The following PCDHGA2 variants were observed in gnomAD, a reference collection of about 807,000 sequenced individuals.
PCDHGA2 encodes protocadherin gamma subfamily A, 2.
PCDHGA2 carries 40 observed loss-of-function variants against 59.2 expected under a neutral mutation model. The ratio of observed to expected loss-of-function variants is 0.68; its 90% CI spans 0.52 to 0.88. The LOEUF (loss-of-function observed/expected upper bound fraction) is 0.88. PCDHGA2 is among the 40% of genes least tolerant of loss of function. The pLI, the probability that PCDHGA2 is intolerant of heterozygous loss-of-function variation, is 0.00. For synonymous variants in PCDHGA2, 560 were observed against 526.0 expected (o/e 1.06, Z -0.89); for missense variants, 1,226 against 1,204.0 (o/e 1.02, Z -0.27).
chr5:141,481,913 CAA>C (rs34114744), intron 1 of PCDHGA2, among the ~76,000 whole-genome samples: 12,059 of 90,730 alleles, frequency 0.13, 576 homozygotes, highest in African/African-American at 0.21. Flanking sequence ...AACTCCATCT[CAA>C]AAAAAAAAAA....
chr5:141,377,556 A>T (rs1171611330), intron 1 of PCDHGA2: 1 of 151,728 alleles, frequency 6.6e-6, no homozygotes, highest in African/African-American at 2.4e-5. Context: ...TAATTGTGTC[A>T]CTGCACCCTA....
chr5:141,365,004 C>A (rs746525916), intron 1 of PCDHGA2: 1 of 1,613,818 alleles, frequency 6.2e-7, no homozygotes, highest in African/African-American at 1.3e-5. Flanking sequence ...CTCTCCGGCA[C>A]CACGCACATC....
rs201279747 is a variant in PCDHGA2, at chr5:141,414,931, G to A, written c.2424+73536G>A. On this transcript the variant is annotated intron_variant, in intron 1 of 3. Coordinates refer to ENST00000394576, the MANE Select transcript of PCDHGA2 (RefSeq NM_018915.4). ...AGGCGTGGAGCTGGCGCCCCGCTCC[G>A]CAGAGCCCGGCTACCTGGTGACCAA... 123 of 1,614,120 alleles carry A rather than the reference G, an allele frequency of 7.6e-5. No homozygotes were observed. In the East Asian group the frequency reaches 2.5e-3, roughly 33 times the overall value.
chr5:141,449,389 T>C (rs577860793), intron 1 of PCDHGA2, among the ~76,000 whole-genome samples: 5 of 151,964 alleles, frequency 3.3e-5, no homozygotes, highest in African/African-American at 1.2e-4. Flanking sequence ...GGTGGATTAC[T>C]TGAGGCCAGG....
chr5:141,477,059 A>G lies in PCDHGA2; in HGVS notation c.2425-17748A>G. On this transcript the variant is annotated intron_variant, in intron 1 of 3. Coordinates refer to ENST00000394576, the MANE Select transcript of PCDHGA2 (RefSeq NM_018915.4). This position sits in a 1 kb window ranked among gnomAD's most constrained non-coding sequence, Gnocchi z 4.9. ...CAAGGGTCGGCTGGACTTCGAGGAC[A>G]CCAAACTCCATGAGATTTACATCCA... The G allele has an allele frequency of 1.2e-6, 2 of 1,614,238 alleles. No individual in the cohort carries two copies. Among genetic ancestry groups the G allele is most frequent in the Non-Finnish European group, 1.7e-6 (2 of 1,180,036 alleles).
Position 141,486,486 on chromosome 5 carries a change from A to G in PCDHGA2, c.2425-8321A>G. The G allele has an allele frequency of 6.2e-7, 1 of 1,614,056 alleles. No individual in the cohort carries two copies. Among genetic ancestry groups the G allele is most frequent in the South Asian group, 1.1e-5 (1 of 91,084 alleles). ...GCTGGGAACCCTCCTCTCAGTACCC[A>G]CAGAACTATTTTCCTCAATATTTCA... On this transcript the variant is annotated intron_variant, in intron 1 of 3. Coordinates refer to ENST00000394576, the MANE Select transcript of PCDHGA2 (RefSeq NM_018915.4). The surrounding 1 kb of genome is among the most constrained non-coding windows in gnomAD (Gnocchi z 5.0).
At chr5:141,343,163 T>C (rs1270120488) in intron 1 of PCDHGA2, 6 of 335,288 alleles carry the variant, frequency 1.8e-5, no homozygotes, top group Non-Finnish European at 2.5e-5. Flanking sequence ...TGTGTCTATA[T>C]TGTTCACCTT....
chr5:141,486,169 A>T lies in PCDHGA2; in HGVS notation c.2425-8638A>T. On this transcript the variant is annotated intron_variant, in intron 1 of 3. Transcript: ENST00000394576. The surrounding 1 kb of genome is among the most constrained non-coding windows in gnomAD (Gnocchi z 5.0). ...ATGGGGGTTCTCCAGCCATGGAGCA[A>T]CATTGCAGCCTTCGAGTGGATCTGC... 1 of 1,614,206 alleles carries T rather than the reference A, an allele frequency of 6.2e-7. No homozygotes were observed. Among genetic ancestry groups the T allele is most frequent in the Non-Finnish European group, 8.5e-7 (1 of 1,180,032 alleles).
At chr5:141,394,459 G>T (rs761612403) in intron 1 of PCDHGA2, 1 of 1,614,238 alleles carries the variant, frequency 6.2e-7, no homozygotes, top group Non-Finnish European at 8.5e-7. Context: ...ATGTCACTGA[G>T]CCTGTTCGTG....
At chr5:141,470,552 T>G (rs1303190360) in intron 1 of PCDHGA2, among the ~76,000 whole-genome samples, 1 of 151,966 alleles carries the variant, frequency 6.6e-6, no homozygotes, top group East Asian at 1.9e-4. Flanking sequence ...TTATTGAGAG[T>G]TTCCTCTGTG....
intron 3 of PCDHGA2, among the ~76,000 whole-genome samples, chr5:141,509,362 G>C (rs2099876497): frequency 6.6e-6 from 1 of 152,152 alleles, no homozygotes; most frequent in Non-Finnish European, 1.5e-5. Flanking sequence ...GCATCCCTGA[G>C]GTTTTAACTG....
chr5:141,388,747 C>T (rs1434278785), intron 1 of PCDHGA2: 2 of 1,613,862 alleles, frequency 1.2e-6, no homozygotes, highest in African/African-American at 1.3e-5. Context: ...AGCCAGATCA[C>T]CCAATTTGAC....
chr5:141,419,414 GCCTTCGACCACGAGCAGCTGCGCA>G, intron 1 of PCDHGA2: 1 of 1,613,428 alleles, frequency 6.2e-7, no homozygotes, highest in South Asian at 1.1e-5. Context: ...CGCGCAGCGC[GCCTTCGACCACGAGCAGCTGCGCA>G]CCTTCGAGCT....
At chr5:141,433,068 T>G (rs1296504554) in intron 1 of PCDHGA2, 1 of 1,613,900 alleles carries the variant, frequency 6.2e-7, no homozygotes, top group South Asian at 1.1e-5. Context: ...CACCTGATCT[T>G]CCCCCAGCCC....
intron 1 of PCDHGA2, chr5:141,419,135 G>A (rs2096331504): frequency 3.1e-6 from 5 of 1,613,910 alleles, no homozygotes; most frequent in Non-Finnish European, 4.2e-6. Flanking sequence ...CGCAGCCACA[G>A]ACAGGGGCAA....
chr5:141,365,028 T>G, intron 1 of PCDHGA2: 1 of 1,613,890 alleles, frequency 6.2e-7, no homozygotes, highest in Non-Finnish European at 8.5e-7. Flanking sequence ...GTTACGGTCC[T>G]CGACGCAAAC....
intron 2 of PCDHGA2, among the ~76,000 whole-genome samples, chr5:141,502,783 G>A (rs2099816035): frequency 6.6e-6 from 1 of 151,652 alleles, no homozygotes; most frequent in African/African-American, 2.4e-5. Context: ...AAAATTACCT[G>A]GATGATTTCT....
chr5:141,355,168 C>G (rs767745541), intron 1 of PCDHGA2: 2 of 1,568,276 alleles, frequency 1.3e-6, no homozygotes, highest in Admixed American at 1.8e-5. Flanking sequence ...AGAGGGAAAA[C>G]CGAAGCACAG....
Position 141,339,099 on chromosome 5 carries a change from C to T in PCDHGA2, c.128C>T (p.Ser43Phe), listed in dbSNP as rs754992880. Reference sequence around the variant, plus strand: ...GTGCGGGAAGAGATCGACAGAGGCTCCTTCGTAGGCAACATCGCCAAGGAC... The same window carrying T: ...GTGCGGGAAGAGATCGACAGAGGCTTCTTCGTAGGCAACATCGCCAAGGAC... Reference protein sequence around the residue: ...YSVREEIDRGSFVGNIAKDLG... With the variant: ...YSVREEIDRGFFVGNIAKDLG... The change falls in exon 1 of 4, where the codon TCC becomes TTC. Residue 43 changes from serine (S) to phenylalanine (F), a missense_variant. Physicochemically the swap from Ser to Phe is radical, Grantham distance 155. Transcript: ENST00000394576. 9 of 1,614,234 alleles carry T rather than the reference C, an allele frequency of 5.6e-6. No homozygotes were observed. Among genetic ancestry groups the T allele is most frequent in the Admixed American group, 5.0e-5 (3 of 60,036 alleles).
Sources: allele counts gnomAD v4.1 joint callset (sites outside exome capture counted in the v4.1 genomes callset), GRCh38; gene constraint gnomAD v4.1.1; non-coding constraint Gnocchi (gnomAD v3.1); transcripts MANE v1.5; gene names NCBI Gene and HGNC (gene_info 2026-07-23, HGNC 2026-07-21).